PTPRG: variants seen among roughly 807,000 people sequenced by gnomAD.
PTPRG encodes the protein receptor-type tyrosine-protein phosphatase gamma.
PTPRG carries 102 observed loss-of-function variants against 165.3 expected under a neutral mutation model. That is an observed-to-expected ratio of 0.62 (90% confidence interval 0.53 to 0.73). The LOEUF (loss-of-function observed/expected upper bound fraction) is 0.73, where lower values mean the gene tolerates loss of function less well. PTPRG is among the 30% of genes least tolerant of loss of function. The pLI, the probability that PTPRG is intolerant of heterozygous loss-of-function variation, is 0.00. For missense variants in PTPRG, 1,866 were observed against 1,861.4 expected (o/e 1.00, Z -0.05); for synonymous variants, 675 against 669.5 (o/e 1.01, Z -0.13).
intron 1 of PTPRG, among the ~76,000 whole-genome samples, chr3:61,714,892 G>T (rs1479054992): frequency 6.6e-6 from 1 of 152,190 alleles, no homozygotes; most frequent in Non-Finnish European, 1.5e-5. Context: ...TGGTACCTGA[G>T]TCTAATCCTG....
At chr3:62,003,191 A>G (rs896601176) in intron 3 of PTPRG, among the ~76,000 whole-genome samples, 158 bp from the exon 4 acceptor site, 4 of 152,220 alleles carry the variant, frequency 2.6e-5, no homozygotes, top group African/African-American at 9.6e-5. Flanking sequence ...AGAATGAACT[A>G]ATTTATTCAG....
intron 1 of PTPRG, among the ~76,000 whole-genome samples, chr3:61,588,365 A>T (rs1045993083): frequency 6.6e-5 from 10 of 151,996 alleles, no homozygotes; most frequent in Non-Finnish European, 1.3e-4. Context: ...TTCCAGAAAT[A>T]CAAAATTTAA....
At chr3:61,615,000 T>TA (rs1174108594) in intron 1 of PTPRG, among the ~76,000 whole-genome samples, 2 of 152,192 alleles carry the variant, frequency 1.3e-5, no homozygotes, top group Non-Finnish European at 2.9e-5. Context: ...CTCCACCCGT[T>TA]ATAGTTTTAA....
At chr3:61,753,683 T>G in intron 2 of PTPRG, 1 of 417,476 alleles carries the variant, frequency 2.4e-6, no homozygotes. Flanking sequence ...ACCCCCTGCT[T>G]CCTGAGTTCA....
At chr3:61,765,294 T>C (rs549669536) in intron 2 of PTPRG, among the ~76,000 whole-genome samples, 1 of 152,346 alleles carries the variant, frequency 6.6e-6, no homozygotes, top group Non-Finnish European at 1.5e-5. Context: ...ATCACACTTC[T>C]GGTCGTGGTG....
chr3:61,802,506 C>T (rs145399545), intron 2 of PTPRG, among the ~76,000 whole-genome samples: 121 of 152,232 alleles, frequency 7.9e-4, no homozygotes, highest in Non-Finnish European at 8.4e-4. Context: ...ACAGTTATGC[C>T]GGTTTCTTAG....
intron 5 of PTPRG, among the ~76,000 whole-genome samples, chr3:62,118,807 G>A (rs540275803): frequency 2.0e-5 from 3 of 152,266 alleles, no homozygotes; most frequent in Admixed American, 1.3e-4. Context: ...CTTGCCCAGA[G>A]TGATTAAAGT....
intron 2 of PTPRG, among the ~76,000 whole-genome samples, chr3:61,781,885 G>A (rs2034554770): frequency 9.3e-6 from 1 of 107,384 alleles, no homozygotes. Context: ...GCACCACCAT[G>A]CCCAGTTTTT....
intron 4 of PTPRG, among the ~76,000 whole-genome samples, chr3:62,054,048 C>A (rs989598553): frequency 1.3e-5 from 2 of 152,198 alleles, no homozygotes; most frequent in Non-Finnish European, 2.9e-5. Flanking sequence ...TCCTAGTGGA[C>A]CTTCTCGGTC....
intron 4 of PTPRG, among the ~76,000 whole-genome samples, chr3:62,076,871 G>T (rs553497754): frequency 3.3e-5 from 5 of 152,152 alleles, no homozygotes; most frequent in Non-Finnish European, 5.9e-5. Context: ...GTGAGCCACT[G>T]CATCCAACTG....
intron 8 of PTPRG, among the ~76,000 whole-genome samples, chr3:62,175,654 A>G (rs1421918130): frequency 2.6e-5 from 4 of 152,238 alleles, no homozygotes. Context: ...ATGGTCCCTC[A>G]TCATGGAGTT....
At chr3:61,651,060 T>C (rs900077160) in intron 1 of PTPRG, among the ~76,000 whole-genome samples, 1 of 152,266 alleles carries the variant, frequency 6.6e-6, no homozygotes. Context: ...GTTTATATTT[T>C]TTTCCTCATT....
intron 4 of PTPRG, among the ~76,000 whole-genome samples, chr3:62,026,868 C>T (rs575932926): frequency 8.1e-5 from 4 of 49,128 alleles, no homozygotes; most frequent in African/African-American, 4.3e-4. Context: ...CCTGGGAAAC[C>T]GAGTGAGAAT....
chr3:62,072,495 C>T (rs944986936), intron 4 of PTPRG, among the ~76,000 whole-genome samples: 3 of 152,232 alleles, frequency 2.0e-5, no homozygotes, highest in Middle Eastern at 3.4e-3. Context: ...CTCTCACTTA[C>T]GACTTTGAAA....
chr3:62,153,487 C>T (rs891168778), intron 6 of PTPRG, among the ~76,000 whole-genome samples: 2 of 152,090 alleles, frequency 1.3e-5, no homozygotes, highest in African/African-American at 4.8e-5. Flanking sequence ...AAGCTTTAAC[C>T]TAGACTGCTC....
At chr3:61,931,534 A>T (rs1332153361) in intron 2 of PTPRG, among the ~76,000 whole-genome samples, 1 of 152,066 alleles carries the variant, frequency 6.6e-6, no homozygotes, top group African/African-American at 2.4e-5. Flanking sequence ...CTGGCGAGGG[A>T]CTGTGTGTCC....
At chr3:61,819,455 T>C (rs2035890532) in intron 2 of PTPRG, among the ~76,000 whole-genome samples, 1 of 152,198 alleles carries the variant, frequency 6.6e-6, no homozygotes, top group African/African-American at 2.4e-5. Context: ...TGGGGAAGGA[T>C]AGCACTAGAG....
intron 1 of PTPRG, among the ~76,000 whole-genome samples, chr3:61,582,378 A>G (rs1700319421): frequency 6.6e-6 from 1 of 152,210 alleles, no homozygotes; most frequent in South Asian, 2.1e-4. Context: ...TAGCAACCAC[A>G]TGTAGCCAAA....
chr3:61,668,549 A>G (rs1272511602), intron 1 of PTPRG, among the ~76,000 whole-genome samples: 3 of 152,194 alleles, frequency 2.0e-5, no homozygotes, highest in Non-Finnish European at 4.4e-5. Context: ...TAACACAGCA[A>G]CTCAAGGTTA....
Sources: gnomAD v4.1 joint callset for allele counts (sites outside exome capture counted in the v4.1 genomes callset) on GRCh38, gnomAD v4.1.1 for gene constraint, MANE v1.5 for transcripts, NCBI Gene and HGNC (gene_info 2026-07-23, HGNC 2026-07-21) for gene names.